The following ABHD3 variants were observed in gnomAD, a reference collection of about 807,000 sequenced individuals.
The protein encoded by ABHD3 is abhydrolase domain containing 3, phospholipase, also known as phospholipase ABHD3.
ABHD3 carries 46 observed loss-of-function variants against 48.8 expected under a neutral mutation model. The ratio of observed to expected loss-of-function variants is 0.94; its 90% CI spans 0.74 to 1.20. The LOEUF (loss-of-function observed/expected upper bound fraction) is 1.20. Among genes scored for constraint, ABHD3 ranks in the 50% most tolerant of loss-of-function variants. The pLI is 0.00. For missense variants in ABHD3, 490 were observed against 497.8 expected (o/e 0.98, Z 0.15); for synonymous variants, 192 against 183.7 (o/e 1.04, Z -0.36).
chr18:21,667,967 G>C (rs2039672568), intron 4 of ABHD3, among the ~76,000 whole-genome samples: 1 of 151,970 alleles, frequency 6.6e-6, no homozygotes, highest in South Asian at 2.1e-4. Flanking sequence ...TTGGGAGGCT[G>C]AGGCTGGTGG....
At chr18:21,665,031 G>A (rs775248632) in intron 4 of ABHD3, among the ~76,000 whole-genome samples, 1 of 151,832 alleles carries the variant, frequency 6.6e-6, no homozygotes, top group African/African-American at 2.4e-5. Flanking sequence ...TGCAACCTCT[G>A]CCTCCCAGGT....
chr18:21,704,461 TC>T, intron 1 of ABHD3, 42 bp downstream of exon 1: 1 of 1,319,540 alleles, frequency 7.6e-7, no homozygotes. Context: ...CTACCCTAGC[TC>T]CTGGCCCAGC....
At position 21,699,874 on chromosome 18, in the gene ABHD3, C is replaced by T. The variant is rs146915964; in HGVS notation, c.509+2442G>A. Among the ~76,000 whole-genome samples the T allele has an allele frequency of 7.4e-3, 1,131 of 152,082 alleles. 26 individuals carry two copies. Among genetic ancestry groups the T allele is most frequent in the African/African-American group, 0.026 (1,084 of 41,496 alleles). On this transcript the variant is annotated intron_variant, in intron 3 of 8. Coordinates refer to ENST00000289119, the MANE Select transcript of ABHD3 (RefSeq NM_138340.5). ...TGTATTTTTAGTACAGATGGGGTTT[C>T]GCTATGTTGGCCAGGCTAGTCTCGA...
intron 4 of ABHD3, among the ~76,000 whole-genome samples, chr18:21,680,959 C>T (rs1442372810): frequency 6.6e-6 from 1 of 151,746 alleles, no homozygotes; most frequent in Non-Finnish European, 1.5e-5. Context: ...AACTTCTGGG[C>T]TCAAGTGATC....
At chr18:21,703,939 C>G (rs1157067862) in intron 1 of ABHD3, 192 bp from the exon 2 acceptor site, 1 of 580,938 alleles carries the variant, frequency 1.7e-6, no homozygotes, top group Admixed American at 3.0e-5. Flanking sequence ...GAGGGGAAGG[C>G]GAGAATCGCG....
chr18:21,656,998 C>T lies in ABHD3; in HGVS notation c.920G>A (p.Arg307Gln), dbSNP rs1314253977. ...GTATCCAAACATGACTGAAGTGAAT[C>T]GCTTATCAAACTCTCTGATGGATTT... ...KAKSIREFDK[R>Q]FTSVMFGYQT... Residue 307 changes from arginine to glutamine, a missense_variant, in exon 8 of 9, where the codon CGA becomes CAA. Physicochemically the swap from Arg to Gln is conservative, Grantham distance 43. Transcript: ENST00000289119. The T allele has an allele frequency of 9.9e-6, 16 of 1,613,852 alleles. No homozygotes were observed. The highest frequency in any genetic ancestry group is 2.7e-5 in the African/African-American group (2 of 74,882).
At chr18:21,683,837 A>C (rs962946415) in intron 4 of ABHD3, 83 bp downstream of exon 4, 5 of 1,327,238 alleles carry the variant, frequency 3.8e-6, no homozygotes, top group Non-Finnish European at 5.1e-6. Flanking sequence ...GAGTTATTTT[A>C]AATAAAAAGA....
chr18:21,663,593 G>T lies in ABHD3; in HGVS notation c.668+525C>A, dbSNP rs561228286. 1.0e-5 allele frequency: 14 copies of T among 1,337,154 alleles called. No homozygotes were observed. In the South Asian group the frequency reaches 1.7e-4, roughly 16 times the overall value. The allele number at this position is 1,337,154 out of a possible 1,614,324, so 82.8% of individuals were successfully genotyped here. A position where few individuals can be genotyped will look rare whatever the true frequency, so the allele number is the denominator to read the frequency against. ...GCTTAAAATAACAGCTGGAGTAGGGGGTTAACAAAATTTCAGTTTCTAGGA... is the reference window on the plus strand; with the variant it reads ...GCTTAAAATAACAGCTGGAGTAGGGTGTTAACAAAATTTCAGTTTCTAGGA... On this transcript the variant is annotated intron_variant, in intron 5 of 8. Coordinates refer to ENST00000289119, the MANE Select transcript of ABHD3 (RefSeq NM_138340.5).
chr18:21,694,104 T>A (rs11877859), intron 3 of ABHD3, among the ~76,000 whole-genome samples: 80,113 of 151,800 alleles, frequency 0.53, 24,860 homozygotes, highest in African/African-American at 0.87. Context: ...CATTTTTTTT[T>A]AAAATTTATT....
intron 8 of ABHD3, among the ~76,000 whole-genome samples, chr18:21,653,482 T>C (rs967220477): frequency 6.6e-6 from 1 of 151,770 alleles, no homozygotes; most frequent in African/African-American, 2.4e-5. Flanking sequence ...AATTAAAGTT[T>C]TTTTTTTCTC....
rs772301759 is a variant in ABHD3, at chr18:21,659,260, G to C, written c.752C>G (p.Thr251Ser). The change falls in exon 6 of 9, where the codon ACC becomes AGC. Residue 251 changes from threonine to serine, a missense_variant. Physicochemically the swap from Thr to Ser is moderately conservative, Grantham distance 58. Transcript: ENST00000289119. ...AAATFSVGWN[T>S]FACSESLEKP... ...TTCCAATGACTCTGAGCAAGCGAAG[G>C]TGTTCCAACCAACGGAAAAAGTTGC... 7 of 1,613,964 alleles carry C rather than the reference G, an allele frequency of 4.3e-6. No homozygotes were observed. In the South Asian group the frequency reaches 7.7e-5, roughly 18 times the overall value.
At chr18:21,689,497 C>T (rs1284543918) in intron 3 of ABHD3, among the ~76,000 whole-genome samples, 1 of 122,466 alleles carries the variant, frequency 8.2e-6, no homozygotes, top group Non-Finnish European at 1.6e-5. Flanking sequence ...TGCAGTGAGC[C>T]AAGATCACAC....
chr18:21,702,426 A>G lies in ABHD3; in HGVS notation c.399T>C (p.Tyr133=), dbSNP rs1199618997. ...DWFDNDNSTC[Y]MDASTRPTIL... ...TAGTAGGTCTGGTGCTGGCATCCAT[A>G]TAACACGTACTGTTATCATTATCAA... Residue 133 remains tyrosine (Y), a synonymous_variant, in exon 3 of 9, where the codon TAT becomes TAC. Transcript: ENST00000289119. The G allele has an allele frequency of 6.2e-7, 1 of 1,614,056 alleles. No homozygotes were observed. Among genetic ancestry groups the G allele is most frequent in the East Asian group, 2.2e-5 (1 of 44,864 alleles).
At chr18:21,654,528 C>T (rs1445710190) in intron 8 of ABHD3, among the ~76,000 whole-genome samples, 1 of 152,138 alleles carries the variant, frequency 6.6e-6, no homozygotes, top group Non-Finnish European at 1.5e-5. Flanking sequence ...ACGTCCGTCC[C>T]AAGAAAGAAC....
chr18:21,683,615 T>C (rs1399747398), intron 4 of ABHD3: 1 of 449,154 alleles, frequency 2.2e-6, no homozygotes, highest in East Asian at 6.9e-5. Flanking sequence ...CTATCGATGT[T>C]AAAATGTAGT....
chr18:21,677,043 C>T (rs986463531), intron 4 of ABHD3, among the ~76,000 whole-genome samples: 1 of 152,132 alleles, frequency 6.6e-6, no homozygotes, highest in African/African-American at 2.4e-5. Flanking sequence ...TCGTCCACCT[C>T]AAGCCTTAGG....
chr18:21,691,780 C>T (rs567667954), intron 3 of ABHD3, among the ~76,000 whole-genome samples: 1 of 152,122 alleles, frequency 6.6e-6, no homozygotes, highest in East Asian at 1.9e-4. Flanking sequence ...CACAGGTATG[C>T]ATTATCATAT....
intron 3 of ABHD3, among the ~76,000 whole-genome samples, chr18:21,684,278 A>G (rs984851770): frequency 2.0e-5 from 3 of 150,326 alleles, no homozygotes; most frequent in Non-Finnish European, 4.4e-5. Context: ...TTTTAAAACA[A>G]TTCTAAATAC....
chr18:21,655,943 G>T (rs1393666067), intron 8 of ABHD3, among the ~76,000 whole-genome samples: 1 of 151,446 alleles, frequency 6.6e-6, no homozygotes, highest in Non-Finnish European at 1.5e-5. Flanking sequence ...AATTACCTGA[G>T]GTCAGGAGTT....
Sources: allele counts gnomAD v4.1 joint callset (sites outside exome capture counted in the v4.1 genomes callset), GRCh38; gene constraint gnomAD v4.1.1; transcripts MANE v1.5; gene names NCBI Gene and HGNC (gene_info 2026-07-23, HGNC 2026-07-21).